XDH: variants seen among roughly 807,000 people sequenced by gnomAD.
The protein encoded by XDH is xanthine dehydrogenase/oxidase.
XDH carries 138 observed loss-of-function variants against 156.1 expected under a neutral mutation model. The ratio of observed to expected loss-of-function variants is 0.88; its 90% confidence interval spans 0.77 to 1.02. The LOEUF (loss-of-function observed/expected upper bound fraction) is 1.02. Ranked by LOEUF, XDH falls within the 50% of genes least tolerant of loss-of-function variation. The probability of loss-of-function intolerance (pLI) is 0.00; values close to 1 mark genes in which losing one functional copy is unlikely to be tolerated. For missense variants in XDH, 1,849 were observed against 1,684.9 expected, an observed-to-expected ratio of 1.10 and a Z score of -1.71; for synonymous variants, 669 against 625.7, an observed-to-expected ratio of 1.07 and a Z score of -1.03.
chr2:31,399,209 G>C (rs533225747), intron 4 of XDH, among the ~76,000 whole-genome samples: 38 of 152,290 alleles, frequency 2.5e-4, no homozygotes, highest in African/African-American at 7.2e-5. Context: ...AAAAGAGTAG[G>C]GTTTTCTTAA....
chr2:31,336,439 C>T (rs1231326718), intron 35 of XDH, among the ~76,000 whole-genome samples: 1 of 152,058 alleles, frequency 6.6e-6, no homozygotes, highest in Non-Finnish European at 1.5e-5. Context: ...AGACTGTTGG[C>T]AAAGAGCTCG....
chr2:31,410,066 A>G (rs1313686928), intron 1 of XDH, among the ~76,000 whole-genome samples: 3 of 152,214 alleles, frequency 2.0e-5, no homozygotes, highest in Non-Finnish European at 4.4e-5. Flanking sequence ...TGAGAAAGGA[A>G]GGAATTTTTG....
At chr2:31,382,884 C>G in intron 11 of XDH, 117 bp downstream of exon 11, 6 of 1,475,040 alleles carry the variant, frequency 4.1e-6, no homozygotes, top group Non-Finnish European at 4.7e-6. Flanking sequence ...TCCTCCCAGG[C>G]AACTCTAAGC....
At position 31,337,719 on chromosome 2, in the gene XDH, CA is replaced by C. The variant is rs1558670992; in HGVS notation, c.3872del (p.Val1291GlyfsTer7). ...AARAQHTGNNVKELFRLDSPA... is the reference protein window; with the variant it reads ...AARAQHTGNNXKELFRLDSPA... ...GGCTGTCTAGCCGGAAGAGTTCCTT[CA>C]CGTTATTACCTGTGTGCTGAGCTCG... On this transcript the variant is annotated frameshift_variant, in exon 35 of 36. Coordinates refer to ENST00000379416, the MANE Select transcript of XDH (RefSeq NM_000379.4). LOFTEE classifies it high-confidence loss of function. 6.2e-7 allele frequency: 1 copy of C among 1,614,228 alleles called. No individual in the cohort carries two copies. Among genetic ancestry groups the C allele is most frequent in the Non-Finnish European group, 8.5e-7 (1 of 1,180,042 alleles).
chr2:31,370,788 C>A (rs1172588148), intron 17 of XDH, among the ~76,000 whole-genome samples: 1 of 152,014 alleles, frequency 6.6e-6, no homozygotes, highest in Admixed American at 6.6e-5. Context: ...TCACTTGAGC[C>A]CAGGAGTTTA....
chr2:31,382,862 A>G (rs997809160), intron 11 of XDH, 139 bp downstream of exon 11: 1 of 1,290,388 alleles, frequency 7.7e-7, no homozygotes, highest in Admixed American at 2.0e-5. Context: ...TCTGCACTTT[A>G]ACAAGCACTG....
rs566224 is a variant in XDH, at chr2:31,344,877, T to C, written c.3352-141A>G. The C allele has an allele frequency of 0.99, 808,931 of 816,490 alleles. 400,741 individuals carry two copies. Among genetic ancestry groups the C allele is most frequent in the East Asian group, 1 (37,660 of 37,660 alleles). 50.6% of individuals were successfully genotyped at this position (816,490 alleles called of 1,614,324 possible). On this transcript the variant is annotated intron_variant, in intron 30 of 35. Coordinates refer to ENST00000379416, the MANE Select transcript of XDH (RefSeq NM_000379.4). ...TGACTCCCATTTCCATACCTTACCT[T>C]ACATTGTCACTGGCACCACCTGCAC...
intron 34 of XDH, 42 bp from the exon 35 acceptor site, chr2:31,337,859 G>A (rs2148747329): frequency 1.9e-6 from 3 of 1,600,290 alleles, no homozygotes; most frequent in Non-Finnish European, 2.6e-6. Flanking sequence ...CAGGCAGGTG[G>A]TCCTGCCTCC....
chr2:31,364,284 C>G, intron 23 of XDH, 40 bp from the exon 24 acceptor site: 4 of 1,599,784 alleles, frequency 2.5e-6, no homozygotes, highest in Non-Finnish European at 3.4e-6. Context: ...TCATAAGTCC[C>G]GTTTCCCCCA....
chr2:31,370,331 C>T (rs1347346559), intron 18 of XDH, 24 bp downstream of exon 18: 10 of 1,613,222 alleles, frequency 6.2e-6, no homozygotes, highest in Non-Finnish European at 8.5e-6. Context: ...CAATTTACTT[C>T]ATATAAAAAA....
In XDH at chr2:31,334,660, A is replaced by G. The variant is rs139903841; in HGVS notation, c.*1298T>C. The G allele has an allele frequency of 6.6e-6, 1 of 152,148 alleles. No individual in the cohort carries two copies. Among genetic ancestry groups the G allele is most frequent in the African/African-American group, 2.4e-5 (1 of 41,440 alleles). 9.4% of individuals were successfully genotyped at this position (152,148 alleles called of 1,614,324 possible). ...GATCCTTTATGTAACTGGAGTTTTC[A>G]GGTCATATATTTATAGGCTTTTAAA... On this transcript the variant is annotated 3_prime_UTR_variant, in exon 36 of 36. Transcript: ENST00000379416.
chr2:31,386,302 A>T (rs1686590818), intron 9 of XDH, 112 bp downstream of exon 9: 1 of 1,433,278 alleles, frequency 7.0e-7, no homozygotes, highest in Non-Finnish European at 9.6e-7. Flanking sequence ...AGTGGGGCAG[A>T]GGGATAGGGT....
chr2:31,383,967 C>T (rs1446798833), intron 9 of XDH, 120 bp from the exon 10 acceptor site: 1 of 901,576 alleles, frequency 1.1e-6, no homozygotes, highest in African/African-American at 1.6e-5. Flanking sequence ...ATAATATGCT[C>T]TCTGGTGACT....
chr2:31,363,172 C>T (rs1253816154), intron 24 of XDH, among the ~76,000 whole-genome samples: 4 of 151,992 alleles, frequency 2.6e-5, no homozygotes, highest in Non-Finnish European at 5.9e-5. Context: ...ATTAGCCAGG[C>T]ATAGGGGTGC....
At chr2:31,349,880 G>A (rs1247961788) in intron 25 of XDH, 49 bp from the exon 26 acceptor site, 2 of 1,612,516 alleles carry the variant, frequency 1.2e-6, no homozygotes, top group East Asian at 4.5e-5. Flanking sequence ...AAGAGACTGT[G>A]GGGGCAGGGC....
At position 31,377,223 on chromosome 2, in the gene XDH, T is replaced by C. The variant is rs1558695955; in HGVS notation, c.1257A>G (p.Ser419=). 1 of 1,614,154 alleles carries C rather than the reference T, an allele frequency of 6.2e-7. No individual in the cohort carries two copies. The highest frequency in any genetic ancestry group is 1.7e-5 in the Admixed American group (1 of 60,018). ...CTCTCCGGGAGGCCTGCTTGAATGC[T>C]GAGAAATACTCCCCCTAAAAGAGAT... is the stretch of plus-strand genomic sequence containing the variant. ...IPYSREGEYF[S]AFKQASRRED... is the part of the protein sequence containing the mutation. Residue 419 remains serine, a synonymous_variant, in exon 14 of 36, where the codon TCA becomes TCG. Coordinates refer to ENST00000379416, the MANE Select transcript of XDH (RefSeq NM_000379.4).
chr2:31,364,276 A>T (rs6760292), intron 23 of XDH, 32 bp from the exon 24 acceptor site: 5 of 1,609,084 alleles, frequency 3.1e-6, no homozygotes, highest in Admixed American at 1.7e-5. Context: ...GGGATTTATC[A>T]TAAGTCCCGT....
chr2:31,405,978 T>C lies in XDH; in HGVS notation c.43-14A>G, dbSNP rs1558317853. 3 of 1,613,772 alleles carry C rather than the reference T, an allele frequency of 1.9e-6. No homozygotes were observed. Among genetic ancestry groups the C allele is most frequent in the Admixed American group, 1.7e-5 (1 of 59,994 alleles). On this transcript the variant is annotated splice_polypyrimidine_tract_variant and intron_variant, in intron 1 of 35. Coordinates refer to ENST00000379416, the MANE Select transcript of XDH (RefSeq NM_000379.4). ...TTTCTCCACCACCTATTAAAATAAA[T>C]GAAAGAAAAATATATCATAGGTATA... is the stretch of plus-strand genomic sequence containing the variant.
At chr2:31,353,926 G>A (rs1429252478) in intron 24 of XDH, among the ~76,000 whole-genome samples, 1 of 152,112 alleles carries the variant, frequency 6.6e-6, no homozygotes, top group Admixed American at 6.5e-5. Context: ...CCAGTCATAA[G>A]GCTGTACCTA....
Sources: allele counts gnomAD v4.1 joint callset (sites outside exome capture counted in the v4.1 genomes callset), GRCh38; gene constraint gnomAD v4.1.1; transcripts MANE v1.5; gene names NCBI Gene and HGNC (gene_info 2026-07-23, HGNC 2026-07-21).